USP8: variants seen among roughly 807,000 people sequenced by gnomAD.
USP8 encodes ubiquitin carboxyl-terminal hydrolase 8.
USP8 carries 27 observed loss-of-function variants against 130.0 expected under a neutral mutation model. The observed-to-expected ratio is 0.21, with a 90% CI of 0.15 to 0.29. The LOEUF (loss-of-function observed/expected upper bound fraction) is 0.29, where lower values mean the gene tolerates loss of function less well. Among genes scored for constraint, USP8 ranks in the 10% least tolerant of loss-of-function variants. USP8 has a pLI of 1.00. For synonymous variants in USP8, 392 were observed against 444.1 expected (o/e 0.88, Z 1.48); for missense variants, 1,029 against 1,312.2 (o/e 0.78, Z 3.33).
chr15:50,482,649 T>C (rs1334744415), intron 11 of USP8, among the ~76,000 whole-genome samples: 1 of 152,228 alleles, frequency 6.6e-6, no homozygotes, highest in Non-Finnish European at 1.5e-5. Flanking sequence ...TTTTTGTTAT[T>C]CTTTTTCAAT....
At chr15:50,433,830 C>T (rs1187986988) in intron 1 of USP8, among the ~76,000 whole-genome samples, 1 of 152,122 alleles carries the variant, frequency 6.6e-6, no homozygotes, top group Non-Finnish European at 1.5e-5. Context: ...TGGTCTTGAT[C>T]TCCTGACCTC....
intron 3 of USP8, among the ~76,000 whole-genome samples, chr15:50,442,091 C>T (rs1357231997): frequency 6.6e-6 from 1 of 150,694 alleles, no homozygotes; most frequent in African/African-American, 2.4e-5. Context: ...TCTCCTGCCT[C>T]AGCCTCCCGA....
chr15:50,436,841 T>C (rs536200834), intron 1 of USP8, among the ~76,000 whole-genome samples: 3 of 152,280 alleles, frequency 2.0e-5, no homozygotes. Context: ...GGCTAATTTT[T>C]GTATTTTTAG....
chr15:50,460,973 A>G (rs1212227419), intron 5 of USP8, among the ~76,000 whole-genome samples: 5 of 151,192 alleles, frequency 3.3e-5, no homozygotes, highest in Admixed American at 6.6e-5. Context: ...CCTGGGCAAC[A>G]TGGAAAAACC....
intron 4 of USP8, among the ~76,000 whole-genome samples, chr15:50,450,462 C>CTTTTTTTTTTTTTTTTTTTTTTTTTTTTT (rs35800074): frequency 6.2e-5 from 5 of 80,454 alleles, no homozygotes; most frequent in South Asian, 9.8e-4. Flanking sequence ...GTTAGTCATT[C>CTTTTTTTTTTTTTTTTTTTTTTTTTTTTT]TTTTTTTTTT....
At chr15:50,450,193 A>G (rs970803222) in intron 4 of USP8, among the ~76,000 whole-genome samples, 1 of 151,908 alleles carries the variant, frequency 6.6e-6, no homozygotes, top group Admixed American at 6.6e-5. Context: ...CCCGGCCCCA[A>G]TATTTCTAAT....
At chr15:50,464,488 C>T (rs996309803) in intron 6 of USP8, among the ~76,000 whole-genome samples, 15 of 152,010 alleles carry the variant, frequency 9.9e-5, no homozygotes, top group Admixed American at 7.9e-4. Flanking sequence ...CCAGGTGTAG[C>T]TGTAAACTCA....
At chr15:50,438,725 C>T (rs1478798451) in intron 1 of USP8, among the ~76,000 whole-genome samples, 4 of 152,114 alleles carry the variant, frequency 2.6e-5, no homozygotes, top group Non-Finnish European at 5.9e-5. Context: ...AACATGTAAA[C>T]GCTTTGATTA....
intron 5 of USP8, among the ~76,000 whole-genome samples, chr15:50,459,996 C>CTTTTTT (rs1555386693): frequency 2.1e-4 from 19 of 92,012 alleles, no homozygotes; most frequent in Non-Finnish European, 2.5e-4. Flanking sequence ...CACCCCCCCC[C>CTTTTTT]TTTTTTTTTT....
chr15:50,474,730 G>C lies in USP8; in HGVS notation c.850-2119G>C, dbSNP rs146444988. 3.4e-3 allele frequency among the ~76,000 whole-genome samples: 525 copies of C among 152,326 alleles called. 2 individuals are homozygous for C. Among genetic ancestry groups the C allele is most frequent in the African/African-American group, 0.012 (512 of 41,584 alleles). On this transcript the variant is annotated intron_variant, in intron 8 of 19. Transcript: ENST00000307179. ...AATGAATAGACGATATAAATGTATA[G>C]ATTGAAACAGCGAACTATTAGGAGA...
chr15:50,480,557 C>T (rs2051729285), intron 10 of USP8, among the ~76,000 whole-genome samples: 1 of 152,076 alleles, frequency 6.6e-6, no homozygotes, highest in South Asian at 2.1e-4. Flanking sequence ...ATGTGTAAGC[C>T]AAGACCTAAT....
intron 1 of USP8, among the ~76,000 whole-genome samples, chr15:50,428,555 T>C (rs766012764): frequency 6.6e-6 from 1 of 152,192 alleles, no homozygotes; most frequent in Non-Finnish European, 1.5e-5. Flanking sequence ...TACATTTTTA[T>C]GATAAAGTTT....
intron 1 of USP8, among the ~76,000 whole-genome samples, chr15:50,431,812 A>G (rs76796925): frequency 0.022 from 3,374 of 152,156 alleles, 119 homozygotes; most frequent in African/African-American, 0.067. Flanking sequence ...GTCCACCACC[A>G]TGCCCAGCTA....
chr15:50,459,696 AT>A (rs149007675), intron 5 of USP8, among the ~76,000 whole-genome samples: 3,201 of 152,322 alleles, frequency 0.021, 60 homozygotes, highest in Non-Finnish European at 0.032. Context: ...TTTAGCAGAC[AT>A]TATAAACTTA....
At chr15:50,486,041 G>T (rs183257203) in intron 12 of USP8, among the ~76,000 whole-genome samples, 1 of 151,970 alleles carries the variant, frequency 6.6e-6, no homozygotes, top group Non-Finnish European at 1.5e-5. Context: ...ATGCAGAACC[G>T]ATGAATACAG....
Position 50,496,074 on chromosome 15 carries a change from G to A in USP8, c.2885G>A (p.Cys962Tyr). 1 of 1,607,648 alleles carries A rather than the reference G, an allele frequency of 6.2e-7. No homozygotes were observed. The highest frequency in any genetic ancestry group is 8.5e-7 in the Non-Finnish European group (1 of 1,175,582). The change falls in exon 17 of 20, where the codon TGT becomes TAT. Residue 962 changes from cysteine (C) to tyrosine (Y), a missense_variant. Physicochemically the swap from Cys to Tyr is radical, Grantham distance 194. This residue lies in a region of USP8 where 257 missense variants were observed against 429.8 expected (regional missense o/e 0.60). Coordinates refer to ENST00000307179, the MANE Select transcript of USP8 (RefSeq NM_005154.5). ...LSLPLASTSK[C>Y]TLQDCLRLFS... is the part of the protein sequence containing the mutation. The stretch of plus-strand genomic sequence containing the variant: ...CTACCACTAGCATCCACAAGTAAAT[G>A]TACATTACAGGTAAGTTTAAGAAGT...
chr15:50,462,229 A>T, intron 5 of USP8, 51 bp from the exon 6 acceptor site: 1 of 1,532,422 alleles, frequency 6.5e-7, no homozygotes. Context: ...ATTAAAGTTG[A>T]ATTTTTTGTG....
chr15:50,464,927 G>C (rs1487219165), intron 6 of USP8, 120 bp from the exon 7 acceptor site: 1 of 965,624 alleles, frequency 1.0e-6, no homozygotes, highest in East Asian at 2.7e-5. Context: ...TAAATATGTG[G>C]CATCCATATA....
At chr15:50,477,946 A>C (rs977281953) in intron 10 of USP8, among the ~76,000 whole-genome samples, 2 of 152,212 alleles carry the variant, frequency 1.3e-5, no homozygotes, top group African/African-American at 4.8e-5. Context: ...TGTTTTGATA[A>C]ATTTTTTGTT....
Sources: allele counts gnomAD v4.1 joint callset (sites outside exome capture counted in the v4.1 genomes callset), GRCh38; gene constraint gnomAD v4.1.1; regional missense constraint gnomAD v4.1.1; transcripts MANE v1.5; gene names NCBI Gene and HGNC (gene_info 2026-07-23, HGNC 2026-07-21).